The following SPEG variants were observed in gnomAD, a reference collection of about 807,000 sequenced individuals.
SPEG encodes the protein striated muscle enriched protein kinase, also known as striated muscle preferentially expressed protein kinase.
In SPEG, 114 loss-of-function variants were observed where a neutral mutation model predicts 300.4. The observed-to-expected ratio is 0.38, with a 90% CI of 0.33 to 0.44. The LOEUF is 0.44. SPEG is among the 20% of genes least tolerant of loss of function. The pLI is 1.00. For missense variants in SPEG, 4,201 were observed against 4,586.2 expected (o/e 0.92, Z 2.43); for synonymous variants, 1,964 against 2,018.9 (o/e 0.97, Z 0.73).
At chr2:219,488,145 G>A (rs1693614785) in intron 31 of SPEG, 49 bp from the exon 32 acceptor site, 1 of 1,271,902 alleles carries the variant, frequency 7.9e-7, no homozygotes, top group Admixed American at 1.9e-5. Context: ...TCAGCAGTAA[G>A]TGGGCCAGGG....
rs1366640105 is a variant in SPEG at position 219,480,011 on chromosome 2, G to A, written c.5213G>A (p.Arg1738Gln). Residue 1738 changes from arginine (R) to glutamine (Q), a missense_variant, in exon 25 of 41, where the codon CGG (arginine) becomes CAG (glutamine). This residue lies in a region of SPEG where 1,047 missense variants were observed against 1,356.8 expected (regional missense o/e 0.77). Coordinates refer to ENST00000312358, the MANE Select transcript of SPEG (RefSeq NM_005876.5). The surrounding 1 kb of genome is among the most constrained non-coding windows in gnomAD (Gnocchi z 5.3). ...WDGAAGEQQV[R>Q]ICDFGNAQEL... ...GGTGCTGCGGGCGAGCAGCAGGTGC[G>A]GATCTGTGACTTTGGGAATGCCCAG... The A allele has an allele frequency of 6.2e-7, 1 of 1,614,012 alleles. No individual in the cohort carries two copies. Among genetic ancestry groups the A allele is most frequent in the African/African-American group, 1.3e-5 (1 of 74,910 alleles).
Position 219,445,208 on chromosome 2 carries a change from C to T in SPEG, c.815+47C>T. The T allele has an allele frequency of 1.3e-6, 2 of 1,490,700 alleles. No individual in the cohort carries two copies. The highest frequency in any genetic ancestry group is 1.8e-6 in the Non-Finnish European group (2 of 1,093,100). 92.3% of individuals were successfully genotyped at this position (1,490,700 alleles called of 1,614,324 possible). A position where few individuals can be genotyped will look rare whatever the true frequency, so the allele number is the denominator to read the frequency against. ...GCCTGAACTGCCCCATCTCACCACG[C>T]TGTCCTGCGCTGCCCTCACTGCTCA... On this transcript the variant is annotated intron_variant, in intron 3 of 40. Transcript: ENST00000312358. The surrounding 1 kb of genome is among the most constrained non-coding windows in gnomAD (Gnocchi z 6.1).
chr2:219,490,539 C>T lies in SPEG; in HGVS notation c.9052C>T (p.His3018Tyr), dbSNP rs1460332425. The T allele has an allele frequency of 1.2e-6, 2 of 1,613,354 alleles. No individual in the cohort carries two copies. The highest frequency in any genetic ancestry group is 1.7e-6 in the Non-Finnish European group (2 of 1,180,028). ...GGAGTACGAGGTGCTGCGGACCCTG[C>T]ACCACGAGCGGATCATGTCCCTGCA... is the stretch of plus-strand genomic sequence containing the variant. ...LQEYEVLRTLHHERIMSLHEA... is the reference protein window; with the variant it reads ...LQEYEVLRTLYHERIMSLHEA... Residue 3018 changes from histidine (H) to tyrosine (Y), a missense_variant, in exon 37 of 41, where the codon CAC (histidine) becomes TAC (tyrosine). His to Tyr is a moderately conservative substitution (Grantham distance 83). Transcript: ENST00000312358.
chr2:219,478,991 G>T (rs555988647), intron 22 of SPEG, among the ~76,000 whole-genome samples, 153 bp from the exon 23 acceptor site: 3 of 152,262 alleles, frequency 2.0e-5, no homozygotes, highest in Non-Finnish European at 2.9e-5. Flanking sequence ...TGGGGAGGGG[G>T]TACACGTGGA....
chr2:219,442,128 C>A (rs1158888019), intron 1 of SPEG: 2 of 1,148,462 alleles, frequency 1.7e-6, no homozygotes, highest in African/African-American at 1.6e-5. Context: ...GGCAGGGAGG[C>A]CTGGGCGCCC....
rs373771648 is a variant in SPEG, at chr2:219,485,391, C to T, written c.7655C>T (p.Pro2552Leu). ...RSRLRWGFSR[P>L]RKDKGLSPPN... ...CGGCTCCGCTGGGGCTTCTCTCGGC[C>T]GCGGAAGGACAAGGGGTTATCGCCA... Residue 2552 changes from proline to leucine, a missense_variant, in exon 31 of 41, where the codon CCG becomes CTG. This residue lies in a region of SPEG where 1,578 missense variants were observed against 1,506.0 expected (regional missense o/e 1.05). Transcript: ENST00000312358. 2.0e-4 allele frequency: 323 copies of T among 1,607,374 alleles called. No homozygotes were observed. The highest frequency in any genetic ancestry group is 2.6e-4 in the Non-Finnish European group (303 of 1,177,394).
chr2:219,467,079 G>C (rs1575116588), intron 9 of SPEG, 95 bp from the exon 10 acceptor site: 2 of 1,404,506 alleles, frequency 1.4e-6, no homozygotes, highest in East Asian at 2.3e-5. Flanking sequence ...CTCTCTCTCT[G>C]TGTCTGTCTG....
chr2:219,451,603 G>A lies in SPEG; in HGVS notation c.2258-22G>A, dbSNP rs759958649. 4 of 1,507,286 alleles carry A rather than the reference G, an allele frequency of 2.7e-6. No individual in the cohort carries two copies. The highest frequency in any genetic ancestry group is 1.3e-5 in the South Asian group (1 of 77,924). 93.4% of individuals were successfully genotyped at this position (1,507,286 alleles called of 1,614,324 possible). ...GGGCGCCTGTGGGCCGTGGCGAGCCGGGTCCCTGTGCCTCCCCACAGTGTC... is the reference window on the plus strand; with the variant it reads ...GGGCGCCTGTGGGCCGTGGCGAGCCAGGTCCCTGTGCCTCCCCACAGTGTC... On this transcript the variant is annotated intron_variant, in intron 5 of 40. Coordinates refer to ENST00000312358, the MANE Select transcript of SPEG (RefSeq NM_005876.5). This position sits in a 1 kb window ranked among gnomAD's most constrained non-coding sequence, Gnocchi z 6.4.
In SPEG at chr2:219,479,065, T is replaced by G; in HGVS notation, c.5028-79T>G. 2.2e-5 allele frequency: 29 copies of G among 1,312,932 alleles called. No homozygotes were observed. The highest frequency in any genetic ancestry group is 3.1e-5 in the Non-Finnish European group (28 of 915,076). 81.3% of individuals were successfully genotyped at this position (1,312,932 alleles called of 1,614,324 possible). On this transcript the variant is annotated intron_variant, in intron 22 of 40. Coordinates refer to ENST00000312358, the MANE Select transcript of SPEG (RefSeq NM_005876.5). This position sits in a 1 kb window ranked among gnomAD's most constrained non-coding sequence, Gnocchi z 5.5. ...TGTAAGGGGAAGGAGAACCCCGTGCTGAGCTGGGACCTGCCCTGAGCGCTG... is the reference window on the plus strand; with the variant it reads ...TGTAAGGGGAAGGAGAACCCCGTGCGGAGCTGGGACCTGCCCTGAGCGCTG...
chr2:219,484,193 C>T lies in SPEG; in HGVS notation c.6730C>T (p.Pro2244Ser), dbSNP rs1299132523. 4 of 1,612,558 alleles carry T rather than the reference C, an allele frequency of 2.5e-6. No individual in the cohort carries two copies. The highest frequency in any genetic ancestry group is 1.3e-5 in the African/African-American group (1 of 74,740). Residue 2244 changes from proline (P) to serine (S), a missense_variant, in exon 30 of 41, where the codon CCC (proline) becomes TCC (serine). Pro to Ser is a moderately conservative substitution (Grantham distance 74). This residue lies in a region of SPEG where 1,578 missense variants were observed against 1,506.0 expected (regional missense o/e 1.05). Coordinates refer to ENST00000312358, the MANE Select transcript of SPEG (RefSeq NM_005876.5). The part of the protein sequence containing the change: ...ALQTLALPLT[P>S]YAQIIQSLQL... Reference sequence around the variant, plus strand: ...GCAAACCCTAGCGCTGCCCCTCACACCCTATGCTCAGATCATTCAGTCCCT... The same window carrying T: ...GCAAACCCTAGCGCTGCCCCTCACATCCTATGCTCAGATCATTCAGTCCCT...
At chr2:219,462,771 A>T (rs1372458487) in intron 8 of SPEG, among the ~76,000 whole-genome samples, 1 of 152,202 alleles carries the variant, frequency 6.6e-6, no homozygotes, top group East Asian at 1.9e-4. Flanking sequence ...CAAAAAAATT[A>T]GCCAGATGTG....
intron 1 of SPEG, among the ~76,000 whole-genome samples, chr2:219,437,093 C>G (rs940979361): frequency 6.6e-6 from 1 of 152,140 alleles, no homozygotes; most frequent in Non-Finnish European, 1.5e-5. Context: ...CTGCCTAAGA[C>G]GTACTAGTCT....
In SPEG at chr2:219,483,609, G is replaced by C; in HGVS notation, c.6146G>C (p.Gly2049Ala). Residue 2049 changes from glycine to alanine, a missense_variant, in exon 30 of 41, where the codon GGA becomes GCA. Gly to Ala is a moderately conservative substitution (Grantham distance 60). Coordinates refer to ENST00000312358, the MANE Select transcript of SPEG (RefSeq NM_005876.5). ...ELPQRRSPSP[G>A]ATRLARGGLG... Reference sequence around the variant, plus strand: ...CCGCAGCGCCGGAGCCCCAGCCCGGGAGCCACCCGCCTGGCCCGGGGAGGC... The same window carrying C: ...CCGCAGCGCCGGAGCCCCAGCCCGGCAGCCACCCGCCTGGCCCGGGGAGGC... 6.7e-7 allele frequency: 1 copy of C among 1,502,532 alleles called. No individual in the cohort carries two copies. The highest frequency in any genetic ancestry group is 2.7e-5 in the East Asian group (1 of 36,812). 93.1% of individuals were successfully genotyped at this position (1,502,532 alleles called of 1,614,324 possible). A position where few individuals can be genotyped will look rare whatever the true frequency, so the allele number is the denominator to read the frequency against.
In SPEG at chr2:219,479,770, A is replaced by G; in HGVS notation, c.5086-13A>G. 6.2e-7 allele frequency: 1 copy of G among 1,613,254 alleles called. No individual in the cohort carries two copies. The highest frequency in any genetic ancestry group is 8.5e-7 in the Non-Finnish European group (1 of 1,179,590). ...CCCTTCCCCCTCAGACTCTGGGCCC[A>G]CTATTTCCACAGATCCGGGCCTATA... On this transcript the variant is annotated splice_polypyrimidine_tract_variant and intron_variant, in intron 23 of 40. Coordinates refer to ENST00000312358, the MANE Select transcript of SPEG (RefSeq NM_005876.5). The surrounding 1 kb of genome is among the most constrained non-coding windows in gnomAD (Gnocchi z 5.5).
At chr2:219,482,652 G>A (rs1692960636) in intron 28 of SPEG, 132 bp from the exon 29 acceptor site, 1 of 725,882 alleles carries the variant, frequency 1.4e-6, no homozygotes, top group Non-Finnish European at 2.4e-6. Context: ...GGGACCCCCA[G>A]GAGCCCAGAC....
Position 219,473,017 on chromosome 2 carries a change from C to T in SPEG, c.4068C>T (p.Ile1356=). 1 of 1,614,050 alleles carries T rather than the reference C, an allele frequency of 6.2e-7. No individual in the cohort carries two copies. Among genetic ancestry groups the T allele is most frequent in the Non-Finnish European group, 8.5e-7 (1 of 1,180,038 alleles). The change falls in exon 16 of 41, where the codon ATC becomes ATT. Residue 1356 remains isoleucine, a synonymous_variant. Transcript: ENST00000312358. The surrounding 1 kb of genome is among the most constrained non-coding windows in gnomAD (Gnocchi z 4.6). ...GGCTGCGTAAGGGGGTCCAGCACAT[C>T]TTCCGGGTCCTCAGCACCACTGTCA... ...ATGLRKGVQH[I]FRVLSTTVKS...
intron 4 of SPEG, among the ~76,000 whole-genome samples, chr2:219,449,642 A>AC (rs35768297): frequency 6.6e-6 from 1 of 151,634 alleles, no homozygotes; most frequent in African/African-American, 2.4e-5. Context: ...GAACCTAAGG[A>AC]CCCCCCTCCA....
Position 219,483,688 on chromosome 2 carries a change from G to A in SPEG, c.6225G>A (p.Leu2075=). The part of the protein sequence containing the change: ...QRLQALRQRL[L]RGGPEDGKVS... ...TGCAGGCCCTGCGCCAGCGGCTGCT[G>A]CGGGGAGGCCCCGAGGATGGCAAGG... Residue 2075 remains leucine (L), a synonymous_variant, in exon 30 of 41, where the codon CTG becomes CTA. Coordinates refer to ENST00000312358, the MANE Select transcript of SPEG (RefSeq NM_005876.5). The A allele has an allele frequency of 6.5e-7, 1 of 1,534,144 alleles. No individual in the cohort carries two copies. The highest frequency in any genetic ancestry group is 8.7e-7 in the Non-Finnish European group (1 of 1,146,824).
At position 219,449,194 on chromosome 2, in the gene SPEG, C is replaced by G; in HGVS notation, c.2036C>G (p.Pro679Arg). 2.9e-6 allele frequency: 4 copies of G among 1,394,532 alleles called. No homozygotes were observed. Among genetic ancestry groups the G allele is most frequent in the Non-Finnish European group, 3.7e-6 (4 of 1,075,008 alleles). 86.4% of individuals were successfully genotyped at this position (1,394,532 alleles called of 1,614,324 possible). A position where few individuals can be genotyped will look rare whatever the true frequency, so the allele number is the denominator to read the frequency against. ...CGCAGAGGGCCGGAGGAGGACGGTC[C>G]CTGGGGGCCCTGGGACCGCCGAGGG... is the stretch of plus-strand genomic sequence containing the variant. The part of the protein sequence containing the change: ...RLRRGPEEDG[P>R]WGPWDRRGAR... Residue 679 changes from proline (P) to arginine (R), a missense_variant, in exon 4 of 41, where the codon CCC becomes CGC. Physicochemically the swap from Pro to Arg is moderately radical, Grantham distance 103 (BLOSUM62 -2). This residue lies in a region of SPEG where 1,258 missense variants were observed against 1,293.9 expected (regional missense o/e 0.97). Transcript: ENST00000312358.
Sources: allele counts gnomAD v4.1 joint callset (sites outside exome capture counted in the v4.1 genomes callset), GRCh38; gene constraint gnomAD v4.1.1; regional missense constraint gnomAD v4.1.1; non-coding constraint Gnocchi (gnomAD v3.1); transcripts MANE v1.5; gene names NCBI Gene and HGNC (gene_info 2026-07-23, HGNC 2026-07-21).